The following GRM5 variants were observed in gnomAD, a reference collection of about 807,000 sequenced individuals.
GRM5 encodes metabotropic glutamate receptor 5.
GRM5 carries 19 observed loss-of-function variants against 83.1 expected under a neutral mutation model. The ratio of observed to expected loss-of-function variants is 0.23; its 90% CI spans 0.16 to 0.34. GRM5 has a LOEUF of 0.34. Among genes scored for constraint, GRM5 ranks in the 10% least tolerant of loss-of-function variants. The pLI, the probability that GRM5 is intolerant of heterozygous loss-of-function variation, is 1.00. For missense variants in GRM5, 1,160 were observed against 1,588.3 expected, an observed-to-expected ratio of 0.73 and a Z score of 4.58; for synonymous variants, 675 against 633.6, an observed-to-expected ratio of 1.07 and a Z score of -0.98.
intron 3 of GRM5, among the ~76,000 whole-genome samples, chr11:88,697,794 T>A (rs79575534): frequency 1.3e-5 from 2 of 152,240 alleles, no homozygotes; most frequent in African/African-American, 4.8e-5. Flanking sequence ...TTTCTCTTTG[T>A]ATGCAAGTGA....
intron 3 of GRM5, among the ~76,000 whole-genome samples, chr11:88,709,849 A>C (rs567891496): frequency 3.3e-5 from 5 of 152,238 alleles, no homozygotes; most frequent in African/African-American, 9.6e-5. Context: ...TGCACTGAAC[A>C]AACAGAATCT....
chr11:88,891,149 A>G (rs1366495616), intron 2 of GRM5, among the ~76,000 whole-genome samples: 3 of 152,052 alleles, frequency 2.0e-5, no homozygotes, highest in African/African-American at 7.2e-5. Context: ...CTCATGGTCA[A>G]ATTGGTTAAG....
intron 2 of GRM5, among the ~76,000 whole-genome samples, chr11:88,971,209 A>T (rs1939154700): frequency 6.6e-6 from 1 of 152,212 alleles, no homozygotes; most frequent in African/African-American, 2.4e-5. Flanking sequence ...TTAAAATTAA[A>T]ATATAAAAAC....
chr11:88,935,437 T>C (rs116046616), intron 2 of GRM5, among the ~76,000 whole-genome samples: 3,325 of 152,060 alleles, frequency 0.022, 119 homozygotes, highest in African/African-American at 0.074. Context: ...GAAATGAGGC[T>C]GAGCAAGTTA....
chr11:88,706,625 C>T (rs1172730617), intron 3 of GRM5, among the ~76,000 whole-genome samples: 1 of 152,024 alleles, frequency 6.6e-6, no homozygotes, highest in Non-Finnish European at 1.5e-5. Context: ...GGATGGTCAC[C>T]TTATTTTTAA....
At chr11:88,590,752 A>AT (rs539731911) in intron 6 of GRM5, 25 bp from the exon 7 acceptor site, 1,004 of 1,583,058 alleles carry the variant, frequency 6.3e-4, no homozygotes, top group African/African-American at 1.1e-3. Context: ...TGAAATTTAG[A>AT]TTTTTTTTTG....
intron 3 of GRM5, among the ~76,000 whole-genome samples, chr11:88,755,272 G>T (rs1197810810): frequency 6.6e-6 from 1 of 152,058 alleles, no homozygotes; most frequent in East Asian, 1.9e-4. Context: ...CTCAGAGAAG[G>T]TACAAGATGC....
At position 88,987,026 on chromosome 11, in the gene GRM5, C is replaced by T. The variant is rs1018887422; in HGVS notation, c.661+60186G>A. 4.1e-4 allele frequency among the ~76,000 whole-genome samples: 62 copies of T among 152,002 alleles called. 1 individual carries two copies. The highest frequency in any genetic ancestry group is 1.2e-3 in the African/African-American group (51 of 41,418). On this transcript the variant is annotated intron_variant, in intron 2 of 9. Coordinates refer to ENST00000305447, the MANE Select transcript of GRM5 (RefSeq NM_001143831.3). ...AGGAGCCAAGATGGCCGAATAGGAA[C>T]AGCTCCGGTCTACAGCTCCCAGCGT...
chr11:88,606,077 C>T (rs1192572396), intron 4 of GRM5, among the ~76,000 whole-genome samples: 2 of 152,016 alleles, frequency 1.3e-5, no homozygotes. Flanking sequence ...AAAGAGTGGT[C>T]CAAGCATTTT....
chr11:88,693,311 C>T (rs1421528935), intron 3 of GRM5, among the ~76,000 whole-genome samples: 1 of 151,920 alleles, frequency 6.6e-6, no homozygotes, highest in East Asian at 1.9e-4. Flanking sequence ...TATAAATGAA[C>T]ATGTATAAAG....
chr11:88,574,511 G>C (rs1943065338), intron 7 of GRM5, among the ~76,000 whole-genome samples: 1 of 152,178 alleles, frequency 6.6e-6, no homozygotes, highest in African/African-American at 2.4e-5. Flanking sequence ...GCTCATGCCT[G>C]TAATCCCAGC....
chr11:89,005,903 T>C (rs1940510877), intron 2 of GRM5, among the ~76,000 whole-genome samples: 2 of 152,230 alleles, frequency 1.3e-5, no homozygotes, highest in South Asian at 4.1e-4. Flanking sequence ...GCCCTATTCC[T>C]TGTATTTAAG....
At chr11:88,568,054 C>T (rs1309305806) in intron 7 of GRM5, 62 bp from the exon 8 acceptor site, 18 of 1,067,512 alleles carry the variant, frequency 1.7e-5, no homozygotes, top group Non-Finnish European at 2.8e-6. Context: ...TCACATATCC[C>T]TAAGTTACAA....
At chr11:88,642,921 T>G (rs1939333793) in intron 4 of GRM5, among the ~76,000 whole-genome samples, 1 of 152,096 alleles carries the variant, frequency 6.6e-6, no homozygotes, top group African/African-American at 2.4e-5. Flanking sequence ...TCTTCCTGTC[T>G]TTTCCTGAGC....
intron 2 of GRM5, among the ~76,000 whole-genome samples, chr11:88,920,133 A>G (rs1220622989): frequency 6.6e-6 from 1 of 152,104 alleles, no homozygotes; most frequent in African/African-American, 2.4e-5. Context: ...AAAGGATAAA[A>G]AAATCAACAA....
intron 2 of GRM5, among the ~76,000 whole-genome samples, chr11:88,893,274 C>T (rs750613166): frequency 1.3e-5 from 2 of 151,920 alleles, no homozygotes; most frequent in African/African-American, 4.8e-5. Context: ...AAATATTTTA[C>T]ATAAGAAAGG....
intron 3 of GRM5, among the ~76,000 whole-genome samples, chr11:88,734,189 TA>T (rs1941862782): frequency 6.6e-6 from 1 of 151,988 alleles, no homozygotes; most frequent in Admixed American, 6.6e-5. Flanking sequence ...GAGGAGCAAA[TA>T]AACATTTCTC....
Position 89,047,462 on chromosome 11 carries a change from G to A in GRM5, c.411C>T (p.Phe137=), listed in dbSNP as rs267603230. ...VRCVDGSSSS[F]RSKKPIVGVI... ...CCCCTACTATGGGCTTCTTGGAGCGGAAGGAAGAGGAGGAGCCATCCACAC... is the reference window on the plus strand; with the variant it reads ...CCCCTACTATGGGCTTCTTGGAGCGAAAGGAAGAGGAGGAGCCATCCACAC... The change falls in exon 2 of 10, where the codon TTC becomes TTT. Residue 137 remains phenylalanine (F), a synonymous_variant. Coordinates refer to ENST00000305447, the MANE Select transcript of GRM5 (RefSeq NM_001143831.3). This position sits in a 1 kb window ranked among gnomAD's most constrained non-coding sequence, Gnocchi z 5.1. The A allele has an allele frequency of 6.2e-7, 1 of 1,614,176 alleles. No homozygotes were observed. The highest frequency in any genetic ancestry group is 8.5e-7 in the Non-Finnish European group (1 of 1,180,016).
At chr11:88,791,367 T>C (rs921192361) in intron 3 of GRM5, among the ~76,000 whole-genome samples, 3 of 152,156 alleles carry the variant, frequency 2.0e-5, no homozygotes, top group African/African-American at 7.2e-5. Context: ...CATAAGATGC[T>C]TGAGAAGAGC....
Sources: gnomAD v4.1 joint callset for allele counts (sites outside exome capture counted in the v4.1 genomes callset) on GRCh38, gnomAD v4.1.1 for gene constraint, Gnocchi (gnomAD v3.1) non-coding constraint, MANE v1.5 for transcripts, NCBI Gene and HGNC (gene_info 2026-07-23, HGNC 2026-07-21) for gene names.